NIT2: variants seen among roughly 807,000 people sequenced by gnomAD.
NIT2 encodes the protein omega-amidase NIT2.
Under a neutral mutation model 42.7 loss-of-function variants are expected in NIT2, and 46 were observed. The ratio of observed to expected loss-of-function variants is 1.08; its 90% CI spans 0.85 to 1.38. NIT2 has a LOEUF of 1.38. NIT2 is among the 40% of genes most tolerant of loss of function. The pLI is 0.00. For missense variants in NIT2, 309 were observed against 342.5 expected, an observed-to-expected ratio of 0.90 and a Z score of 0.77; for synonymous variants, 123 against 121.9, an observed-to-expected ratio of 1.01 and a Z score of -0.06.
intron 4 of NIT2, among the ~76,000 whole-genome samples, chr3:100,341,751 C>T (rs1453663531): frequency 6.6e-6 from 1 of 151,944 alleles, no homozygotes; most frequent in Admixed American, 6.6e-5. Flanking sequence ...GTATTAAATG[C>T]GTATACATGA....
rs548244619 is a variant in NIT2 at position 100,352,447 on chromosome 3, C to G, written c.628C>G (p.Arg210Gly). 1 of 1,613,508 alleles carries G rather than the reference C, an allele frequency of 6.2e-7. No individual in the cohort carries two copies. The highest frequency in any genetic ancestry group is 8.5e-7 in the Non-Finnish European group (1 of 1,179,578). ...GTATGTGGCCACAGCCTCTCCTGCC[C>G]GGGATGACAAAGCCTCCTATGTTGC... ...QVYVATASPARDDKASYVAWG... is the reference protein window; with the variant it reads ...QVYVATASPAGDDKASYVAWG... The change falls in exon 8 of 10, where the codon CGG (arginine) becomes GGG (glycine). Residue 210 changes from arginine (R) to glycine (G), a missense_variant. By Grantham distance (125) the Arg-to-Gly change is moderately radical. Transcript: ENST00000394140.
intron 4 of NIT2, among the ~76,000 whole-genome samples, chr3:100,343,184 G>T (rs1706174599): frequency 6.6e-6 from 1 of 151,544 alleles, no homozygotes; most frequent in Non-Finnish European, 1.5e-5. Context: ...ACTCTGATAT[G>T]CCTAGATGTG....
At chr3:100,345,500 C>T (rs746335854) in intron 4 of NIT2, 85 bp from the exon 5 acceptor site, 29 of 894,228 alleles carry the variant, frequency 3.2e-5, no homozygotes, top group Non-Finnish European at 4.9e-5. Flanking sequence ...GAGCACCTTC[C>T]GTATCTGCCC....
intron 1 of NIT2, 110 bp from the exon 2 acceptor site, chr3:100,338,977 G>T (rs960514618): frequency 1.8e-5 from 14 of 775,890 alleles, no homozygotes; most frequent in African/African-American, 3.4e-5. Context: ...TTCAGACATT[G>T]TCAGATGTCC....
Position 100,346,166 on chromosome 3 carries a change from T to A in NIT2, c.431-15T>A, listed in dbSNP as rs777371766. The stretch of plus-strand genomic sequence containing the variant: ...GAGTTAACTTTTCATTTGTGCATTT[T>A]CTGTTTGGAAACAGCTTACTGCAGA... On this transcript the variant is annotated splice_polypyrimidine_tract_variant and intron_variant, in intron 5 of 9. Transcript: ENST00000394140. The A allele has an allele frequency of 1.9e-6, 3 of 1,612,896 alleles. No homozygotes were observed. The highest frequency in any genetic ancestry group is 2.5e-6 in the Non-Finnish European group (3 of 1,178,884).
At chr3:100,343,970 CCAA>C (rs1245670189) in intron 4 of NIT2, among the ~76,000 whole-genome samples, 1 of 152,226 alleles carries the variant, frequency 6.6e-6, no homozygotes, top group Non-Finnish European at 1.5e-5. Flanking sequence ...CACCCAAACA[CCAA>C]ACTCTTATCT....
rs865841115 is a variant in NIT2, at chr3:100,357,322, T to C, written c.*2054T>C. On this transcript the variant is annotated 3_prime_UTR_variant, in exon 10 of 10. Transcript: ENST00000394140. ...TTTTTAAAAATATATTTTCTTACTT[T>C]TATATATTTTACTCAATCTCATGAC... is the stretch of plus-strand genomic sequence containing the variant. The C allele has an allele frequency of 3.2e-4, 49 of 152,164 alleles. No homozygotes were observed. Among genetic ancestry groups the C allele is most frequent in the African/African-American group, 1.2e-3 (49 of 41,442 alleles). 9.4% of individuals were successfully genotyped at this position (152,164 alleles called of 1,614,324 possible). A position where few individuals can be genotyped will look rare whatever the true frequency, so the allele number is the denominator to read the frequency against.
chr3:100,351,816 T>C lies in NIT2; in HGVS notation c.585-588T>C, dbSNP rs62274144. Reference sequence around the variant, plus strand: ...CAAAAGAAACTACCATCAGAGTGAATAGGCAACCTACAAAATGGGAGAAAA... The same window carrying C: ...CAAAAGAAACTACCATCAGAGTGAACAGGCAACCTACAAAATGGGAGAAAA... On this transcript the variant is annotated intron_variant, in intron 7 of 9. Transcript: ENST00000394140. Among the ~76,000 whole-genome samples the C allele has an allele frequency of 1.4e-3, 218 of 152,140 alleles. 1 individual carries two copies. The highest frequency in any genetic ancestry group is 5.1e-3 in the African/African-American group (211 of 41,498).
chr3:100,357,969 G>A lies in NIT2; in HGVS notation c.*2701G>A, dbSNP rs574682704. The A allele has an allele frequency of 6.6e-6, 1 of 152,076 alleles. No individual in the cohort carries two copies. Among genetic ancestry groups the A allele is most frequent in the Admixed American group, 6.6e-5 (1 of 15,248 alleles). 9.4% of individuals were successfully genotyped at this position (152,076 alleles called of 1,614,324 possible). On this transcript the variant is annotated 3_prime_UTR_variant, in exon 10 of 10. Coordinates refer to ENST00000394140, the MANE Select transcript of NIT2 (RefSeq NM_020202.5). ...ATTTTTGTATTTTTAGTAGAAATGG[G>A]GTTTCACCATGTTGGCCAGTCTGAT... is the stretch of plus-strand genomic sequence containing the variant.
intron 8 of NIT2, among the ~76,000 whole-genome samples, chr3:100,353,532 C>T (rs1005740542): frequency 2.6e-5 from 4 of 152,110 alleles, no homozygotes; most frequent in African/African-American, 7.2e-5. Context: ...CATCAGGTTC[C>T]ACTGTCCAGA....
At chr3:100,340,032 C>G (rs964261956) in intron 3 of NIT2, 97 bp downstream of exon 3, 1 of 1,035,898 alleles carries the variant, frequency 9.7e-7, no homozygotes. Flanking sequence ...ACTTGGGAAG[C>G]TTCAGCTTGG....
chr3:100,337,686 T>C (rs1706094292), intron 1 of NIT2, among the ~76,000 whole-genome samples: 1 of 152,266 alleles, frequency 6.6e-6, no homozygotes, highest in Non-Finnish European at 1.5e-5. Flanking sequence ...ACTCCTGACC[T>C]CAGGTGATCA....
chr3:100,338,369 C>G (rs1166534600), intron 1 of NIT2, among the ~76,000 whole-genome samples: 2 of 152,174 alleles, frequency 1.3e-5, no homozygotes, highest in African/African-American at 2.4e-5. Context: ...ATCATGTTCT[C>G]TTGGACACAT....
chr3:100,347,601 T>A (rs1706230244), intron 6 of NIT2, among the ~76,000 whole-genome samples: 2 of 151,952 alleles, frequency 1.3e-5, no homozygotes, highest in Non-Finnish European at 1.5e-5. Context: ...GGCTAATTTT[T>A]AAATTTTTTG....
At chr3:100,350,927 A>T (rs985279362) in intron 7 of NIT2, among the ~76,000 whole-genome samples, 3 of 151,978 alleles carry the variant, frequency 2.0e-5, no homozygotes, top group Non-Finnish European at 4.4e-5. Flanking sequence ...TCATTGTTCA[A>T]TTCCCACCTA....
chr3:100,354,547 A>C (rs977969437), intron 8 of NIT2, among the ~76,000 whole-genome samples: 21 of 152,226 alleles, frequency 1.4e-4, no homozygotes, highest in African/African-American at 5.1e-4. Context: ...AAGCCCTCAC[A>C]GAGCTCTTAT....
chr3:100,342,784 G>GA (rs201331170), intron 4 of NIT2, among the ~76,000 whole-genome samples: 1,642 of 151,898 alleles, frequency 0.011, 31 homozygotes, highest in African/African-American at 0.038. Context: ...AAATTAAGAA[G>GA]AAAAAAATCT....
intron 4 of NIT2, among the ~76,000 whole-genome samples, chr3:100,343,625 T>A (rs537215127): frequency 6.6e-6 from 1 of 152,238 alleles, no homozygotes; most frequent in Non-Finnish European, 1.5e-5. Context: ...CTTTACAGTG[T>A]TGAGCTTAGT....
intron 7 of NIT2, among the ~76,000 whole-genome samples, chr3:100,351,655 T>G (rs1706275335): frequency 6.6e-6 from 1 of 152,166 alleles, no homozygotes; most frequent in South Asian, 2.1e-4. Flanking sequence ...ATAAAAACCC[T>G]AGAAGAAAAC....
Sources: allele counts gnomAD v4.1 joint callset (sites outside exome capture counted in the v4.1 genomes callset), GRCh38; gene constraint gnomAD v4.1.1; transcripts MANE v1.5; gene names NCBI Gene and HGNC (gene_info 2026-07-23, HGNC 2026-07-21).